Variants in ZFPM1 observed in about 807,000 individuals in gnomAD.
The protein encoded by ZFPM1 is zinc finger protein ZFPM1.
A neutral mutation model predicts 46.3 loss-of-function variants in ZFPM1; 28 were observed. That is an observed-to-expected ratio of 0.60 (90% CI 0.45 to 0.83). The LOEUF (loss-of-function observed/expected upper bound fraction) is 0.83, where lower values mean the gene tolerates loss of function less well. ZFPM1 is among the 40% of genes least tolerant of loss of function. The probability of loss-of-function intolerance (pLI) is 0.00; values close to 1 mark genes in which losing one functional copy is unlikely to be tolerated. For missense variants in ZFPM1, 1,878 were observed against 1,432.4 expected (o/e 1.31, Z -5.02); for synonymous variants, 957 against 675.9 (o/e 1.42, Z -6.45).
chr16:88,459,174 C>A (rs1211570137), intron 1 of ZFPM1, among the ~76,000 whole-genome samples: 1 of 152,226 alleles, frequency 6.6e-6, no homozygotes, highest in Non-Finnish European at 1.5e-5. Flanking sequence ...CCTGTCCACA[C>A]CTGCCTGATG....
intron 3 of ZFPM1, among the ~76,000 whole-genome samples, chr16:88,491,740 T>TCCC: frequency 6.6e-6 from 1 of 152,208 alleles, no homozygotes; most frequent in Non-Finnish European, 1.5e-5. Context: ...GACCAGGCGG[T>TCCC]GCCCTATCGG....
Position 88,533,327 on chromosome 16 carries a change from G to T in ZFPM1, c.1369G>T (p.Ala457Ser). ...GAATGGAGGCAGCAGCGAGCCCCCG[G>T]CGGCCCCCAGGAGCATCAAGGTGGA... ...AQNGGSSEPP[A>S]APRSIKVEAV... Residue 457 changes from alanine to serine, a missense_variant, in exon 10 of 10, where the codon GCG becomes TCG. Coordinates refer to ENST00000319555, the MANE Select transcript of ZFPM1 (RefSeq NM_153813.3). The T allele has an allele frequency of 6.5e-7, 1 of 1,531,222 alleles. No individual in the cohort carries two copies. 94.9% of individuals were successfully genotyped at this position (1,531,222 alleles called of 1,614,324 possible).
At position 88,492,977 on chromosome 16, in the gene ZFPM1, G is replaced by T. The variant is rs1331059929; in HGVS notation, c.268+3824G>T. 2.0e-5 allele frequency among the ~76,000 whole-genome samples: 3 copies of T among 152,038 alleles called. No individual in the cohort carries two copies. In the East Asian group the frequency reaches 5.8e-4, roughly 29 times the overall value. ...CCAGGGTGTGGGGAGCTGTCCCAGG[G>T]AGCAGAGAGCTGTCCCAGGGTGTGG... is the stretch of plus-strand genomic sequence containing the variant. On this transcript the variant is annotated intron_variant, in intron 3 of 9. Transcript: ENST00000319555.
Position 88,534,342 on chromosome 16 carries a change from T to C in ZFPM1, c.2384T>C (p.Ile795Thr). 1 of 1,385,126 alleles carries C rather than the reference T, an allele frequency of 7.2e-7. No individual in the cohort carries two copies. The allele number at this position is 1,385,126 out of a possible 1,614,324, so 85.8% of individuals were successfully genotyped here. The change falls in exon 10 of 10, where the codon ATC (isoleucine) becomes ACC (threonine). Residue 795 changes from isoleucine to threonine, a missense_variant. Coordinates refer to ENST00000319555, the MANE Select transcript of ZFPM1 (RefSeq NM_153813.3). Reference sequence around the variant, plus strand: ...CCCGGCCCCGCGGCCGACGGCCCCATCGACCTGAGCAAGAAGCCGCGGCGC... The same window carrying C: ...CCCGGCCCCGCGGCCGACGGCCCCACCGACCTGAGCAAGAAGCCGCGGCGC... Reference protein sequence around the residue: ...RSPGPAADGPIDLSKKPRRPL... With the variant: ...RSPGPAADGPTDLSKKPRRPL...
chr16:88,470,277 C>T (rs1447893982), intron 1 of ZFPM1, among the ~76,000 whole-genome samples: 5 of 152,150 alleles, frequency 3.3e-5, no homozygotes, highest in Admixed American at 6.5e-5. Context: ...GGCTGCTGGA[C>T]GGGTTGGGGC....
At chr16:88,501,377 A>G (rs377307494) in intron 3 of ZFPM1, among the ~76,000 whole-genome samples, 18 of 81,566 alleles carry the variant, frequency 2.2e-4, no homozygotes, top group African/African-American at 3.6e-4. Context: ...GATAGCAGAC[A>G]TGGGTGCGGG....
intron 4 of ZFPM1, among the ~76,000 whole-genome samples, chr16:88,523,455 T>C (rs1047607387): frequency 3.9e-5 from 6 of 152,108 alleles, no homozygotes; most frequent in African/African-American, 1.2e-4. Context: ...CAGCAGTGGC[T>C]CCCAGGATGG....
At chr16:88,486,636 T>C (rs1227389681) in intron 2 of ZFPM1, among the ~76,000 whole-genome samples, 1 of 150,000 alleles carries the variant, frequency 6.7e-6, no homozygotes, top group Non-Finnish European at 1.5e-5. Flanking sequence ...CAGTGGGTAC[T>C]AGGTGCACAG....
chr16:88,510,345 G>A (rs908527993), intron 3 of ZFPM1, among the ~76,000 whole-genome samples: 8 of 152,222 alleles, frequency 5.3e-5, no homozygotes, highest in African/African-American at 1.9e-4. Context: ...CCACTCTGTG[G>A]GGTTGGCTCA....
chr16:88,506,412 C>T (rs555300462), intron 3 of ZFPM1, among the ~76,000 whole-genome samples: 6 of 151,384 alleles, frequency 4.0e-5, no homozygotes, highest in East Asian at 2.0e-4. Flanking sequence ...TTTGTTTCCC[C>T]TCAGTGAAAT....
chr16:88,505,110 G>A (rs1039465229), intron 3 of ZFPM1, among the ~76,000 whole-genome samples: 4 of 152,242 alleles, frequency 2.6e-5, no homozygotes, highest in Non-Finnish European at 4.4e-5. Context: ...ACCAGCTGGC[G>A]GGTGGGCGGG....
chr16:88,521,505 T>C (rs1011920636), intron 4 of ZFPM1, among the ~76,000 whole-genome samples: 5 of 151,188 alleles, frequency 3.3e-5, no homozygotes, highest in South Asian at 2.1e-4. Flanking sequence ...ACCAACACCA[T>C]GTTCCCTCCC....
chr16:88,526,056 G>C (rs1912289668), intron 4 of ZFPM1, among the ~76,000 whole-genome samples: 1 of 152,164 alleles, frequency 6.6e-6, no homozygotes, highest in African/African-American at 2.4e-5. Context: ...GTGACAGTGA[G>C]GCCAGGGGGG....
intron 4 of ZFPM1, among the ~76,000 whole-genome samples, chr16:88,525,792 GC>G (rs1387389052): frequency 6.6e-6 from 1 of 152,228 alleles, no homozygotes; most frequent in East Asian, 1.9e-4. Flanking sequence ...CCCTGTCCCA[GC>G]CCCCGACTGC....
rs1194315892 is a variant in ZFPM1, at chr16:88,534,358, G to C, written c.2400G>C (p.Lys800Asn). The change falls in exon 10 of 10, where the codon AAG (lysine) becomes AAC (asparagine). Residue 800 changes from lysine to asparagine, a missense_variant. Physicochemically the swap from Lys to Asn is moderately conservative, Grantham distance 94. Coordinates refer to ENST00000319555, the MANE Select transcript of ZFPM1 (RefSeq NM_153813.3). Reference protein sequence around the residue: ...AADGPIDLSKKPRRPLPGAPA... With the variant: ...AADGPIDLSKNPRRPLPGAPA... ...ACGGCCCCATCGACCTGAGCAAGAAGCCGCGGCGCCCGCTCCCCGGAGCCC... is the reference window on the plus strand; with the variant it reads ...ACGGCCCCATCGACCTGAGCAAGAACCCGCGGCGCCCGCTCCCCGGAGCCC... 1 of 1,422,086 alleles carries C rather than the reference G, an allele frequency of 7.0e-7. No individual in the cohort carries two copies. The highest frequency in any genetic ancestry group is 9.2e-7 in the Non-Finnish European group (1 of 1,091,242). The allele number at this position is 1,422,086 out of a possible 1,614,324, so 88.1% of individuals were successfully genotyped here.
At chr16:88,457,836 C>G (rs998550526) in intron 1 of ZFPM1, among the ~76,000 whole-genome samples, 8 of 152,202 alleles carry the variant, frequency 5.3e-5, no homozygotes, top group African/African-American at 1.7e-4. Flanking sequence ...GAGGTACTCT[C>G]AAGGCCCCCC....
chr16:88,453,726 C>T (rs1340379978), intron 1 of ZFPM1, 48 bp downstream of exon 1: 3 of 1,133,844 alleles, frequency 2.6e-6, no homozygotes, highest in Non-Finnish European at 3.3e-6. Flanking sequence ...CGACCCCCGC[C>T]GGAGCCCAGC....
chr16:88,512,300 A>G (rs1266472320), intron 3 of ZFPM1, among the ~76,000 whole-genome samples: 1 of 152,070 alleles, frequency 6.6e-6, no homozygotes, highest in Non-Finnish European at 1.5e-5. Context: ...AGCACCCTTG[A>G]GGTGTGATAC....
In ZFPM1 at chr16:88,469,189, A is replaced by C; in HGVS notation, c.40+15511A>C. Among the ~76,000 whole-genome samples the C allele has an allele frequency of 6.6e-6, 1 of 151,344 alleles. No individual in the cohort carries two copies. Among genetic ancestry groups the C allele is most frequent in the Non-Finnish European group, 1.5e-5 (1 of 67,822 alleles). ...CCTGCAGGCTGCCCCCCACCGCTCC[A>C]CCCTCTCCCCGCGCTGACTTCCATC... On this transcript the variant is annotated intron_variant, in intron 1 of 9. Coordinates refer to ENST00000319555, the MANE Select transcript of ZFPM1 (RefSeq NM_153813.3). This position sits in a 1 kb window ranked among gnomAD's most constrained non-coding sequence, Gnocchi z 4.3.
Sources: gnomAD v4.1 joint callset for allele counts (sites outside exome capture counted in the v4.1 genomes callset) on GRCh38, gnomAD v4.1.1 for gene constraint, Gnocchi (gnomAD v3.1) non-coding constraint, MANE v1.5 for transcripts, NCBI Gene and HGNC (gene_info 2026-07-23, HGNC 2026-07-21) for gene names.